Variants in LOC128462377 observed in about 807,000 individuals in gnomAD.
chr16:89,354,707 C>T, the LOC128462377 span, among the ~76,000 whole-genome samples: 2 of 152,176 alleles, frequency 1.3e-5, no homozygotes, highest in Non-Finnish European at 2.9e-5. Context: ...CACGGTGAAA[C>T]CACGTCTCTA....
the LOC128462377 span, among the ~76,000 whole-genome samples, chr16:89,392,990 A>G: frequency 6.6e-6 from 1 of 151,922 alleles, no homozygotes; most frequent in Non-Finnish European, 1.5e-5. Context: ...TTCCTTTTCT[A>G]AACTCCAGCC....
chr16:89,383,850 C>G, the LOC128462377 span, among the ~76,000 whole-genome samples: 580 of 152,318 alleles, frequency 3.8e-3, 2 homozygotes, highest in Admixed American at 6.5e-3. Context: ...CCCACCTTTC[C>G]CAAACACCAC....
At chr16:89,368,371 GTTTTTTTTTTTTTT>G in the LOC128462377 span, among the ~76,000 whole-genome samples, 116 of 56,596 alleles carry the variant, frequency 2.0e-3, 1 homozygote, top group Admixed American at 1.6e-3. Context: ...TAATTTTTGT[GTTTTTTTTTTTTTT>G]TTTTTTTTTT....
chr16:89,365,941 A>G, the LOC128462377 span, among the ~76,000 whole-genome samples: 2 of 151,914 alleles, frequency 1.3e-5, no homozygotes, highest in Non-Finnish European at 2.9e-5. Flanking sequence ...GTTCCCATTC[A>G]TAAGTGACAA....
At chr16:89,410,981 C>A in the LOC128462377 span, among the ~76,000 whole-genome samples, 5 of 152,250 alleles carry the variant, frequency 3.3e-5, no homozygotes, top group Non-Finnish European at 5.9e-5. Context: ...CCGGCCTCCA[C>A]AGGCGCTTTC....
the LOC128462377 span, chr16:89,324,252 T>A: frequency 8.2e-7 from 1 of 1,218,316 alleles, no homozygotes; most frequent in South Asian, 1.5e-5. Flanking sequence ...GCTTGGTCAC[T>A]GGGCTGTGGA....
At chr16:89,320,711 T>C in the LOC128462377 span, among the ~76,000 whole-genome samples, 1 of 152,172 alleles carries the variant, frequency 6.6e-6, no homozygotes, top group Admixed American at 6.5e-5. Flanking sequence ...GCCCATTACC[T>C]GGCAGCCCCG....
the LOC128462377 span, among the ~76,000 whole-genome samples, chr16:89,405,525 G>T: frequency 6.7e-6 from 1 of 148,920 alleles, no homozygotes; most frequent in African/African-American, 2.5e-5. Flanking sequence ...TAGAGACAGG[G>T]TTCTCACTAT....
the LOC128462377 span, among the ~76,000 whole-genome samples, chr16:89,337,611 G>C: frequency 1.3e-5 from 2 of 151,286 alleles, no homozygotes; most frequent in East Asian, 3.9e-4. Context: ...TAATTTTTTT[G>C]TATTTTTTAT....
chr16:89,375,275 G>A, the LOC128462377 span, among the ~76,000 whole-genome samples: 1 of 152,158 alleles, frequency 6.6e-6, no homozygotes, highest in African/African-American at 2.4e-5. Context: ...CAGAAATTGT[G>A]TATCACAGTA....
At chr16:89,341,042 T>A in the LOC128462377 span, among the ~76,000 whole-genome samples, 1 of 152,214 alleles carries the variant, frequency 6.6e-6, no homozygotes, top group Non-Finnish European at 1.5e-5. Context: ...TATAAATGGC[T>A]TCAGAATCCT....
the LOC128462377 span, among the ~76,000 whole-genome samples, chr16:89,336,935 C>T: frequency 6.9e-6 from 1 of 144,594 alleles, no homozygotes. Context: ...TTTAGGAGGC[C>T]GAGACAGGTG....
chr16:89,369,518 T>C, the LOC128462377 span, among the ~76,000 whole-genome samples: 4,745 of 152,274 alleles, frequency 0.031, 251 homozygotes, highest in African/African-American at 0.11. Context: ...GGCCCACAGA[T>C]TGTCCTTCAC....
the LOC128462377 span, among the ~76,000 whole-genome samples, chr16:89,333,004 G>A: frequency 2.0e-5 from 3 of 152,300 alleles, no homozygotes; most frequent in South Asian, 4.1e-4. Context: ...CTGTGCACCC[G>A]GGGAATTTCA....
the LOC128462377 span, among the ~76,000 whole-genome samples, chr16:89,415,226 T>G: frequency 3.3e-5 from 5 of 150,440 alleles, 1 homozygote; most frequent in East Asian, 9.9e-4. Flanking sequence ...AGTGCTGGGA[T>G]TACAGGTGGG....
At chr16:89,379,269 C>G in the LOC128462377 span, among the ~76,000 whole-genome samples, 37 of 152,206 alleles carry the variant, frequency 2.4e-4, no homozygotes, top group Non-Finnish European at 5.0e-4. Flanking sequence ...ATCTTGAAAA[C>G]TTAGGGCTTT....
chr16:89,399,642 G>A, the LOC128462377 span, among the ~76,000 whole-genome samples: 1 of 152,196 alleles, frequency 6.6e-6, no homozygotes, highest in Non-Finnish European at 1.5e-5. Flanking sequence ...GGTGGACCCT[G>A]AGGTCGTGCG....
At chr16:89,382,752 T>C in the LOC128462377 span, among the ~76,000 whole-genome samples, 2 of 152,212 alleles carry the variant, frequency 1.3e-5, no homozygotes, top group African/African-American at 4.8e-5. Context: ...AGTGCTGAGA[T>C]TATAGGTGTG....
the LOC128462377 span, among the ~76,000 whole-genome samples, chr16:89,366,129 CAAAAAAA>C: frequency 0.13 from 7,901 of 60,368 alleles, 354 homozygotes; most frequent in Admixed American, 0.21. Context: ...GACTCCATCT[CAAAAAAA>C]AAAAAAAAAA....
Sources: gnomAD v4.1 joint callset for allele counts (sites outside exome capture counted in the v4.1 genomes callset) on GRCh38, gnomAD v4.1.1 for gene constraint, MANE v1.5 for transcripts.